The following SPTLC1 variants were observed in gnomAD, a reference collection of about 807,000 sequenced individuals.
SPTLC1 encodes the protein serine palmitoyltransferase long chain base subunit 1.
A neutral mutation model predicts 68.9 loss-of-function variants in SPTLC1; 55 were observed. The ratio of observed to expected loss-of-function variants is 0.80; its 90% CI spans 0.64 to 1.00. SPTLC1 has a LOEUF of 1.00. Ranked by LOEUF, SPTLC1 falls within the 50% of genes least tolerant of loss-of-function variation. SPTLC1 has a pLI of 0.00. For missense variants in SPTLC1, 449 were observed against 573.1 expected (o/e 0.78, Z 2.21); for synonymous variants, 197 against 201.6 (o/e 0.98, Z 0.19).
chr9:92,110,852 T>A (rs1028834604), intron 2 of SPTLC1: 2 of 152,244 alleles, frequency 1.3e-5, no homozygotes, highest in Admixed American at 1.3e-4. Context: ...GTACAAAATC[T>A]AAATTTACTC....
At chr9:92,072,269 T>C (rs2118628702) in intron 5 of SPTLC1, among the ~76,000 whole-genome samples, 1 of 152,330 alleles carries the variant, frequency 6.6e-6, no homozygotes. Flanking sequence ...CACCTCTGTC[T>C]ACGGATCGGG....
chr9:92,031,172 A>T lies in SPTLC1; in HGVS notation c.*1293T>A, dbSNP rs1295932527. On this transcript the variant is annotated 3_prime_UTR_variant, in exon 15 of 15. Coordinates refer to ENST00000262554, the MANE Select transcript of SPTLC1 (RefSeq NM_006415.4). ...TCAGGAATATAGGTTTATTTCATTA[A>T]AAAATAAAACAAAACAAACCAGACT... 6.6e-6 allele frequency: 1 copy of T among 152,652 alleles called. No individual in the cohort carries two copies. The highest frequency in any genetic ancestry group is 1.5e-5 in the Non-Finnish European group (1 of 68,028). The allele number at this position is 152,652 out of a possible 1,614,324, so 9.5% of individuals were successfully genotyped here. A position where few individuals can be genotyped will look rare whatever the true frequency, so the allele number is the denominator to read the frequency against.
chr9:92,049,848 C>G (rs377202513), intron 9 of SPTLC1, 112 bp downstream of exon 9: 30 of 837,522 alleles, frequency 3.6e-5, no homozygotes, highest in Non-Finnish European at 2.1e-5. Context: ...GTTTCGTGAC[C>G]CTTCAAACTG....
chr9:92,082,921 T>C (rs573273578), intron 3 of SPTLC1, among the ~76,000 whole-genome samples: 11 of 152,324 alleles, frequency 7.2e-5, no homozygotes, highest in African/African-American at 2.4e-4. Flanking sequence ...GACTTTTGAA[T>C]GACTGCCATT....
chr9:92,035,550 T>G (rs1833113517), intron 13 of SPTLC1, among the ~76,000 whole-genome samples: 1 of 151,116 alleles, frequency 6.6e-6, no homozygotes, highest in African/African-American at 2.4e-5. Flanking sequence ...CTTTCTGGAG[T>G]GATGAAAAAG....
chr9:92,051,370 C>G (rs901285326), intron 8 of SPTLC1: 1 of 614,380 alleles, frequency 1.6e-6, no homozygotes, highest in Non-Finnish European at 2.0e-6. Flanking sequence ...GGGGGAAAAA[C>G]CCCACATGAT....
At chr9:92,064,730 A>G (rs1834221531) in intron 6 of SPTLC1, among the ~76,000 whole-genome samples, 1 of 152,222 alleles carries the variant, frequency 6.6e-6, no homozygotes, top group Non-Finnish European at 1.5e-5. Flanking sequence ...AGGTAACTTC[A>G]ATAACAGTGG....
At chr9:92,115,238 C>A (rs1168152465) in intron 1 of SPTLC1, 76 bp downstream of exon 1, 3 of 1,470,422 alleles carry the variant, frequency 2.0e-6, no homozygotes, top group Middle Eastern at 2.4e-4. Flanking sequence ...AGGTCTCAGG[C>A]CACAAATCCA....
At chr9:92,106,428 C>T (rs527371468) in intron 3 of SPTLC1, among the ~76,000 whole-genome samples, 27 of 147,940 alleles carry the variant, frequency 1.8e-4, no homozygotes, top group African/African-American at 6.6e-4. Context: ...GAGCCGAGAT[C>T]GCACCACTGC....
At chr9:92,038,396 A>C (rs1184496463) in intron 12 of SPTLC1, 31 bp from the exon 13 acceptor site, 1 of 1,382,596 alleles carries the variant, frequency 7.2e-7, no homozygotes, top group Non-Finnish European at 1.0e-6. Flanking sequence ...CACAGCTGTA[A>C]GTCCCTTCCA....
intron 3 of SPTLC1, among the ~76,000 whole-genome samples, chr9:92,100,697 C>G (rs1005000775): frequency 3.9e-5 from 6 of 152,054 alleles, no homozygotes; most frequent in African/African-American, 1.5e-4. Flanking sequence ...AACACAGTCA[C>G]TAGATAGGCA....
intron 3 of SPTLC1, among the ~76,000 whole-genome samples, chr9:92,085,050 T>A (rs1835057527): frequency 1.3e-5 from 2 of 151,348 alleles, no homozygotes; most frequent in South Asian, 4.2e-4. Flanking sequence ...TAGTATTCTC[T>A]GATGGTAGTT....
At chr9:92,047,095 C>A (rs909198596) in intron 11 of SPTLC1, 77 bp downstream of exon 11, 3 of 1,244,182 alleles carry the variant, frequency 2.4e-6, no homozygotes, top group Non-Finnish European at 2.4e-6. Flanking sequence ...CAAATAATTT[C>A]TCCAGTAAGT....
intron 6 of SPTLC1, among the ~76,000 whole-genome samples, chr9:92,067,718 G>A (rs1055997435): frequency 6.6e-6 from 1 of 152,180 alleles, no homozygotes; most frequent in Non-Finnish European, 1.5e-5. Context: ...GCACAAAGAA[G>A]GCAGATAGCT....
intron 6 of SPTLC1, among the ~76,000 whole-genome samples, chr9:92,067,162 G>A (rs1034286612): frequency 6.6e-6 from 1 of 152,056 alleles, no homozygotes; most frequent in African/African-American, 2.4e-5. Flanking sequence ...AGCCAGGCAT[G>A]GTGGCGCATG....
At chr9:92,086,201 G>T (rs1835123336) in intron 3 of SPTLC1, among the ~76,000 whole-genome samples, 1 of 152,074 alleles carries the variant, frequency 6.6e-6, no homozygotes, top group African/African-American at 2.4e-5. Flanking sequence ...TATCCAATTT[G>T]CCAGTCTGTG....
At chr9:92,087,064 T>C (rs1453361497) in intron 3 of SPTLC1, among the ~76,000 whole-genome samples, 2 of 152,168 alleles carry the variant, frequency 1.3e-5, no homozygotes, top group Admixed American at 6.5e-5. Context: ...ATTCTTCACA[T>C]AGTTCTCGAG....
chr9:92,112,847 C>T (rs1227835289), intron 1 of SPTLC1, among the ~76,000 whole-genome samples: 1 of 152,150 alleles, frequency 6.6e-6, no homozygotes, highest in Non-Finnish European at 1.5e-5. Context: ...GTGGCTCATA[C>T]TTGTAATCCC....
At chr9:92,086,937 TGTTTC>T (rs1426556626) in intron 3 of SPTLC1, among the ~76,000 whole-genome samples, 2 of 151,804 alleles carry the variant, frequency 1.3e-5, no homozygotes, top group Non-Finnish European at 2.9e-5. Context: ...AGGCTTTGTT[TGTTTC>T]TTTTTATTCT....
Sources: allele counts gnomAD v4.1 joint callset (sites outside exome capture counted in the v4.1 genomes callset), GRCh38; gene constraint gnomAD v4.1.1; transcripts MANE v1.5; gene names NCBI Gene and HGNC (gene_info 2026-07-23, HGNC 2026-07-21).